The following ICA1L variants were observed in gnomAD, a reference collection of about 807,000 sequenced individuals.
ICA1L encodes the protein islet cell autoantigen 1-like protein.
ICA1L carries 50 observed loss-of-function variants against 61.3 expected under a neutral mutation model. The observed-to-expected ratio is 0.82, with a 90% CI of 0.65 to 1.03. The LOEUF (loss-of-function observed/expected upper bound fraction) is 1.03. Ranked by LOEUF, ICA1L falls within the 50% of genes least tolerant of loss-of-function variation. ICA1L has a pLI of 0.00. For missense variants in ICA1L, 508 were observed against 556.7 expected (o/e 0.91, Z 0.88); for synonymous variants, 161 against 191.3 (o/e 0.84, Z 1.31).
chr2:202,789,443 A>C (rs72932733), intron 10 of ICA1L, among the ~76,000 whole-genome samples: 255 of 152,338 alleles, frequency 1.7e-3, no homozygotes, highest in Non-Finnish European at 2.9e-3. Flanking sequence ...ACAACAGATA[A>C]AAAAGATCAA....
In ICA1L at chr2:202,835,712, ATTTT is replaced by A. The variant is rs918858846; in HGVS notation, c.-7-6700_-7-6697del. Among the ~76,000 whole-genome samples the A allele has an allele frequency of 2.7e-5, 4 of 148,276 alleles. No individual in the cohort carries two copies. The Admixed American group carries it at 2.7e-4, about 10-fold the overall frequency. On this transcript the variant is annotated intron_variant, in intron 1 of 12. Transcript: ENST00000358299. The stretch of plus-strand genomic sequence containing the variant: ...CAGTTTGTGCCACCACACCTGGCTA[ATTTT>A]TTTTTTATTTTTTGTAGAGATGGGT...
At position 202,815,851 on chromosome 2, in the gene ICA1L, A is replaced by G. The variant is rs560875121; in HGVS notation, c.783+60T>C. 222 of 991,626 alleles carry G rather than the reference A, an allele frequency of 2.2e-4. No individual in the cohort carries two copies. In the African/African-American group the frequency reaches 2.7e-3, roughly 12 times the overall value. 61.4% of individuals were successfully genotyped at this position (991,626 alleles called of 1,614,324 possible). The stretch of plus-strand genomic sequence containing the variant: ...TTGGTTAAAAAAAAAAAAAGTTTCA[A>G]TGTTATCACCCAAATGAAGAGTAAT... On this transcript the variant is annotated intron_variant, in intron 7 of 12. Transcript: ENST00000358299.
rs1692235006 is a variant in ICA1L at position 202,776,740 on chromosome 2, G to A, written c.*2793C>T. ...AACTGGACTTGCTAAGGAAGTTAATGTTGCTCTGGGTTAAATGGGAAACAT... is the reference window on the plus strand; with the variant it reads ...AACTGGACTTGCTAAGGAAGTTAATATTGCTCTGGGTTAAATGGGAAACAT... On this transcript the variant is annotated 3_prime_UTR_variant, in exon 13 of 13. Coordinates refer to ENST00000358299, the MANE Select transcript of ICA1L (RefSeq NM_001288622.3). 1 of 152,184 alleles carries A rather than the reference G, an allele frequency of 6.6e-6. No individual in the cohort carries two copies. The highest frequency in any genetic ancestry group is 6.5e-5 in the Admixed American group (1 of 15,274). 9.4% of individuals were successfully genotyped at this position (152,184 alleles called of 1,614,324 possible).
intron 8 of ICA1L, among the ~76,000 whole-genome samples, chr2:202,813,218 C>T (rs918242336): frequency 3.3e-5 from 5 of 151,226 alleles, no homozygotes; most frequent in African/African-American, 1.2e-4. Flanking sequence ...TGAGATTGTG[C>T]CACTGCACTC....
intron 10 of ICA1L, among the ~76,000 whole-genome samples, chr2:202,790,605 ACCTGTTGCTGAGGC>A (rs2105823417): frequency 6.6e-6 from 1 of 152,196 alleles, no homozygotes; most frequent in South Asian, 2.1e-4. Flanking sequence ...GTCCCCAGTT[ACCTGTTGCTGAGGC>A]TAAGTCCTAG....
At chr2:202,794,474 T>C (rs1692856042) in intron 10 of ICA1L, among the ~76,000 whole-genome samples, 1 of 152,106 alleles carries the variant, frequency 6.6e-6, no homozygotes, top group South Asian at 2.1e-4. Flanking sequence ...TTCAGAAATA[T>C]TATAGGCATT....
At chr2:202,821,169 T>C (rs1574353667) in intron 4 of ICA1L, among the ~76,000 whole-genome samples, 189 bp downstream of exon 4, 1 of 152,288 alleles carries the variant, frequency 6.6e-6, no homozygotes, top group East Asian at 1.9e-4. Context: ...AGAACATCAA[T>C]CATTAAATAA....
chr2:202,784,381 G>A (rs1195753494), intron 12 of ICA1L, among the ~76,000 whole-genome samples: 1 of 152,108 alleles, frequency 6.6e-6, no homozygotes, highest in Non-Finnish European at 1.5e-5. Context: ...GGAGGCGGAG[G>A]TTGCAGTGAG....
At chr2:202,791,121 G>A (rs992499652) in intron 10 of ICA1L, among the ~76,000 whole-genome samples, 6 of 152,174 alleles carry the variant, frequency 3.9e-5, no homozygotes, top group African/African-American at 9.7e-5. Flanking sequence ...GAAGGAACCA[G>A]GGAAAAAGCC....
chr2:202,836,040 A>G (rs1694138988), intron 1 of ICA1L, among the ~76,000 whole-genome samples: 2 of 152,174 alleles, frequency 1.3e-5, no homozygotes, highest in Admixed American at 1.3e-4. Flanking sequence ...TCTAGCTAGG[A>G]GTTCCAATAC....
At chr2:202,796,148 C>A (rs1692919647) in intron 10 of ICA1L, among the ~76,000 whole-genome samples, 1 of 150,880 alleles carries the variant, frequency 6.6e-6, no homozygotes, top group South Asian at 2.1e-4. Flanking sequence ...GAATTCAAGA[C>A]CTAAATGTAA....
rs1692265594 is a variant in ICA1L at position 202,777,622 on chromosome 2, A to G, written c.*1911T>C. ...AGACTTCATACCTTTTTTCTGAGTC[A>G]ATGTTTCTGACCTTCAGATAAGGTC... On this transcript the variant is annotated 3_prime_UTR_variant, in exon 13 of 13. Transcript: ENST00000358299. 1.3e-5 allele frequency: 2 copies of G among 152,260 alleles called. No individual in the cohort carries two copies. Among genetic ancestry groups the G allele is most frequent in the African/African-American group, 2.4e-5 (1 of 41,554 alleles). 9.4% of individuals were successfully genotyped at this position (152,260 alleles called of 1,614,324 possible).
chr2:202,774,356 C>G lies in ICA1L; in HGVS notation c.*5177G>C. Reference sequence around the variant, plus strand: ...TGAGGCGAGCCTGCCGCGCGCTCCGCTCAGCGTGGTCTGGCAGCCGGAGAC... The same window carrying G: ...TGAGGCGAGCCTGCCGCGCGCTCCGGTCAGCGTGGTCTGGCAGCCGGAGAC... On this transcript the variant is annotated 3_prime_UTR_variant, in exon 13 of 13. Transcript: ENST00000358299. 7.4e-7 allele frequency: 1 copy of G among 1,348,510 alleles called. No homozygotes were observed. 83.5% of individuals were successfully genotyped at this position (1,348,510 alleles called of 1,614,324 possible). A position where few individuals can be genotyped will look rare whatever the true frequency, so the allele number is the denominator to read the frequency against.
intron 1 of ICA1L, among the ~76,000 whole-genome samples, chr2:202,833,189 C>T (rs1694059390): frequency 6.6e-6 from 1 of 151,510 alleles, no homozygotes; most frequent in Non-Finnish European, 1.5e-5. Context: ...TCAATAAAAA[C>T]AAAAAAAAGT....
At chr2:202,801,291 C>CCAAAAGTAAAGAT (rs1693080797) in intron 9 of ICA1L, among the ~76,000 whole-genome samples, 1 of 152,122 alleles carries the variant, frequency 6.6e-6, no homozygotes, top group South Asian at 2.1e-4. Flanking sequence ...ATCTGCTTTA[C>CCAAAAGTAAAGAT]CTTACAGTGC....
At chr2:202,843,615 TC>T in intron 1 of ICA1L, among the ~76,000 whole-genome samples, 1 of 152,226 alleles carries the variant, frequency 6.6e-6, no homozygotes, top group Non-Finnish European at 1.5e-5. Context: ...AGTTCTGAGT[TC>T]CCAGGTAGTA....
Position 202,776,280 on chromosome 2 carries a change from T to C in ICA1L, c.*3253A>G, listed in dbSNP as rs1692219615. The C allele has an allele frequency of 6.6e-6, 1 of 151,902 alleles. No individual in the cohort carries two copies. Among genetic ancestry groups the C allele is most frequent in the African/African-American group, 2.4e-5 (1 of 41,144 alleles). 9.4% of individuals were successfully genotyped at this position (151,902 alleles called of 1,614,324 possible). ...TATTCCTGCGTCTCCTAAAAAATGG[T>C]TGTAGACACACTAGGCAAAGTTTAG... On this transcript the variant is annotated 3_prime_UTR_variant, in exon 13 of 13. Coordinates refer to ENST00000358299, the MANE Select transcript of ICA1L (RefSeq NM_001288622.3).
chr2:202,841,275 G>T (rs779203236), intron 1 of ICA1L: 21 of 739,000 alleles, frequency 2.8e-5, no homozygotes, highest in African/African-American at 6.9e-5. Context: ...CACCAGCCCT[G>T]GCATGTTGCC....
chr2:202,774,227 G>GGCTCCTGAGTCTTCTC lies in ICA1L; in HGVS notation c.*5290_*5305dup. 1 of 1,549,424 alleles carries GGCTCCTGAGTCTTCTC rather than the reference G, an allele frequency of 6.5e-7. No homozygotes were observed. ...CAGCGCCGGATCGAAGGCGCGGGGC[G>GGCTCCTGAGTCTTCTC]GCTCCTGAGTCTTCTCGCTCCTGTC... is the stretch of plus-strand genomic sequence containing the variant. On this transcript the variant is annotated 3_prime_UTR_variant, in exon 13 of 13. Transcript: ENST00000358299.
Sources: allele counts gnomAD v4.1 joint callset (sites outside exome capture counted in the v4.1 genomes callset), GRCh38; gene constraint gnomAD v4.1.1; transcripts MANE v1.5; gene names NCBI Gene and HGNC (gene_info 2026-07-23, HGNC 2026-07-21).